ARHGAP24: variants seen among roughly 807,000 people sequenced by gnomAD.
ARHGAP24 encodes Rho GTPase activating protein 24.
ARHGAP24 carries 50 observed loss-of-function variants against 76.4 expected under a neutral mutation model. The observed-to-expected ratio is 0.65, with a 90% CI of 0.52 to 0.83. ARHGAP24 has a LOEUF of 0.83. Ranked by LOEUF, ARHGAP24 falls within the 40% of genes least tolerant of loss-of-function variation. The pLI, the probability that ARHGAP24 is intolerant of heterozygous loss-of-function variation, is 0.00. For synonymous variants in ARHGAP24, 345 were observed against 323.3 expected, an observed-to-expected ratio of 1.07 and a Z score of -0.72; for missense variants, 930 against 914.2, an observed-to-expected ratio of 1.02 and a Z score of -0.22.
intron 3 of ARHGAP24, among the ~76,000 whole-genome samples, chr4:85,895,000 GC>G (rs1560701796): frequency 1.5e-3 from 72 of 47,832 alleles, no homozygotes; most frequent in Middle Eastern, 0.028. Flanking sequence ...AAAACAAAAA[GC>G]AAAAAAAAAA....
At chr4:85,907,896 G>A (rs1016941240) in intron 3 of ARHGAP24, among the ~76,000 whole-genome samples, 1 of 152,108 alleles carries the variant, frequency 6.6e-6, no homozygotes, top group Non-Finnish European at 1.5e-5. Flanking sequence ...CAGTGAGCCT[G>A]GAAAAAGGTG....
At chr4:85,638,013 C>T (rs1721388406) in intron 2 of ARHGAP24, among the ~76,000 whole-genome samples, 1 of 152,084 alleles carries the variant, frequency 6.6e-6, no homozygotes, top group Admixed American at 6.6e-5. Context: ...CCATCTCAGT[C>T]ATACCACATT....
chr4:85,624,229 A>G (rs895852440), intron 2 of ARHGAP24, among the ~76,000 whole-genome samples: 4 of 152,150 alleles, frequency 2.6e-5, no homozygotes, highest in Non-Finnish European at 5.9e-5. Flanking sequence ...GGTTTGTCAT[A>G]GATAGCTCTT....
At chr4:85,941,414 G>A (rs1165631928) in intron 4 of ARHGAP24, among the ~76,000 whole-genome samples, 1 of 152,034 alleles carries the variant, frequency 6.6e-6, no homozygotes, top group Admixed American at 6.6e-5. Context: ...TACCTGTTAG[G>A]GCAAGCCACT....
intron 4 of ARHGAP24, among the ~76,000 whole-genome samples, chr4:85,925,220 T>G (rs941231281): frequency 6.6e-6 from 1 of 152,228 alleles, no homozygotes; most frequent in Non-Finnish European, 1.5e-5. Context: ...CGTTGTTTTT[T>G]GTAGCATAAT....
intron 3 of ARHGAP24, among the ~76,000 whole-genome samples, chr4:85,725,128 A>G (rs1725119282): frequency 6.7e-6 from 1 of 150,054 alleles, no homozygotes; most frequent in Non-Finnish European, 1.5e-5. Flanking sequence ...TTTCTTAGGA[A>G]AGAAGTTTCT....
At position 85,977,558 on chromosome 4, in the gene ARHGAP24, T is replaced by C. The variant is rs376607295; in HGVS notation, c.807-12T>C. 30 of 1,612,558 alleles carry C rather than the reference T, an allele frequency of 1.9e-5. No homozygotes were observed. Among genetic ancestry groups the C allele is most frequent in the Non-Finnish European group, 2.0e-5 (24 of 1,179,100 alleles). The stretch of plus-strand genomic sequence containing the variant: ...TCCCATTGTATTTCAATCATATGCT[T>C]ATACTCCATAGATTCTTGGATGAAG... On this transcript the variant is annotated splice_polypyrimidine_tract_variant and intron_variant, in intron 7 of 9. Transcript: ENST00000395184.
rs539408760 is a variant in ARHGAP24 at position 85,519,452 on chromosome 4, A to C, written c.-21+43893A>C. On this transcript the variant is annotated intron_variant, in intron 1 of 9. Transcript: ENST00000395184. ...GAGTCCTGAGTCTAGTGTCATGCCT[A>C]GACTTAGTTCATTGTTTACCAAGTA... Among the ~76,000 whole-genome samples the C allele has an allele frequency of 2.0e-5, 3 of 152,274 alleles. No homozygotes were observed. In the South Asian group the frequency reaches 6.2e-4, roughly 32 times the overall value.
At chr4:85,758,925 G>C (rs1282896891) in intron 3 of ARHGAP24, among the ~76,000 whole-genome samples, 1 of 152,172 alleles carries the variant, frequency 6.6e-6, no homozygotes, top group Non-Finnish European at 1.5e-5. Flanking sequence ...TGCTGATGAG[G>C]CTTGAATATG....
intron 8 of ARHGAP24, among the ~76,000 whole-genome samples, chr4:85,992,758 G>A (rs2575681): frequency 0.34 from 52,393 of 151,930 alleles, 10,311 homozygotes; most frequent in Non-Finnish European, 0.45. Context: ...GACAAATTCG[G>A]AGATTCCTAA....
At chr4:85,795,282 CT>C (rs753274331) in intron 3 of ARHGAP24, among the ~76,000 whole-genome samples, 77 of 152,110 alleles carry the variant, frequency 5.1e-4, no homozygotes, top group Non-Finnish European at 8.8e-4. Context: ...ATGGCCTTTT[CT>C]TCATCATTCT....
chr4:85,630,548 G>C (rs1035058934), intron 2 of ARHGAP24, among the ~76,000 whole-genome samples: 1 of 152,258 alleles, frequency 6.6e-6, no homozygotes, highest in East Asian at 1.9e-4. Flanking sequence ...CAGGCCAACT[G>C]TTGGGGTCTG....
At chr4:85,506,935 A>T (rs938911721) in intron 1 of ARHGAP24, among the ~76,000 whole-genome samples, 1 of 152,130 alleles carries the variant, frequency 6.6e-6, no homozygotes, top group Non-Finnish European at 1.5e-5. Flanking sequence ...GTGATAAAGT[A>T]GGTAAAACAC....
At chr4:85,973,988 G>T in intron 6 of ARHGAP24, among the ~76,000 whole-genome samples, 1 of 148,848 alleles carries the variant, frequency 6.7e-6, no homozygotes, top group East Asian at 2.0e-4. Context: ...GACTACAGGC[G>T]CCCGCCACCA....
At chr4:85,548,160 A>T (rs1301413566) in intron 1 of ARHGAP24, among the ~76,000 whole-genome samples, 1 of 152,084 alleles carries the variant, frequency 6.6e-6, no homozygotes, top group African/African-American at 2.4e-5. Flanking sequence ...ATACCTCCCC[A>T]TCATTCTTGA....
rs149901817 is a variant in ARHGAP24, at chr4:85,689,032, C to T, written c.181-32853C>T. 3.3e-3 allele frequency among the ~76,000 whole-genome samples: 505 copies of T among 152,100 alleles called. 6 individuals are homozygous for T. Among genetic ancestry groups the T allele is most frequent in the African/African-American group, 0.012 (488 of 41,490 alleles). ...CTTAGGATTGCTTTGGCTATTTGGG[C>T]TCTTTTTTGGTTCCATAAAATTTAG... On this transcript the variant is annotated intron_variant, in intron 2 of 9. Coordinates refer to ENST00000395184, the MANE Select transcript of ARHGAP24 (RefSeq NM_001025616.3).
chr4:85,716,712 A>T (rs72974961), intron 2 of ARHGAP24, among the ~76,000 whole-genome samples: 2 of 150,864 alleles, frequency 1.3e-5, no homozygotes, highest in Non-Finnish European at 3.0e-5. Flanking sequence ...GTGTGTGATT[A>T]AAAAAAAAAT....
At chr4:85,911,351 GT>G (rs1429289379) in intron 3 of ARHGAP24, among the ~76,000 whole-genome samples, 1 of 152,046 alleles carries the variant, frequency 6.6e-6, no homozygotes, top group Non-Finnish European at 1.5e-5. Context: ...GTGGCAGGCT[GT>G]CTGGAGCGGC....
chr4:85,566,520 A>G (rs1327699058), intron 1 of ARHGAP24, among the ~76,000 whole-genome samples: 1 of 152,252 alleles, frequency 6.6e-6, no homozygotes, highest in Non-Finnish European at 1.5e-5. Flanking sequence ...CTTAGCGTAC[A>G]CATTCTTCTT....
Sources: gnomAD v4.1 joint callset for allele counts (sites outside exome capture counted in the v4.1 genomes callset) on GRCh38, gnomAD v4.1.1 for gene constraint, MANE v1.5 for transcripts, NCBI Gene and HGNC (gene_info 2026-07-23, HGNC 2026-07-21) for gene names.